Variants in SLC25A48 observed in about 807,000 individuals in gnomAD.
SLC25A48 encodes the protein solute carrier family 25 member 48.
A neutral mutation model predicts 32.2 loss-of-function variants in SLC25A48; 29 were observed. The ratio of observed to expected loss-of-function variants is 0.90; its 90% CI spans 0.67 to 1.23. The LOEUF (loss-of-function observed/expected upper bound fraction) is 1.23, where lower values mean the gene tolerates loss of function less well. Ranked by LOEUF, SLC25A48 falls within the 50% of genes most tolerant of loss-of-function variation. The pLI is 0.00. For synonymous variants in SLC25A48, 164 were observed against 172.3 expected (o/e 0.95, Z 0.38); for missense variants, 399 against 422.7 (o/e 0.94, Z 0.49).
In SLC25A48 at chr5:135,792,053, G is replaced by A. The variant is rs919027511; in HGVS notation, c.-520-20470G>A. ...GTGTTCACCTCCTATGTTAACATTC[G>A]TAATATTCTAAGGGGATATTACTCC... On this transcript the variant is annotated intron_variant, in intron 3 of 10. Transcript: ENST00000646290. Among the ~76,000 whole-genome samples the A allele has an allele frequency of 6.6e-5, 10 of 151,518 alleles. No homozygotes were observed. The East Asian group carries it at 1.7e-3, about 26-fold the overall frequency.
chr5:135,687,446 C>A (rs1452649700), intron 3 of SLC25A48, among the ~76,000 whole-genome samples: 1 of 152,188 alleles, frequency 6.6e-6, no homozygotes, highest in African/African-American at 2.4e-5. Context: ...ACTGAGATTT[C>A]TGTGTAACTG....
At chr5:135,763,790 C>CACACACACGA (rs1554072856) in intron 3 of SLC25A48, among the ~76,000 whole-genome samples, 6 of 151,312 alleles carry the variant, frequency 4.0e-5, no homozygotes, top group East Asian at 1.9e-4. Flanking sequence ...CACACACACA[C>CACACACACGA]GAGAGAGAGA....
At chr5:135,800,187 A>G (rs1315284165) in intron 3 of SLC25A48, among the ~76,000 whole-genome samples, 1 of 151,522 alleles carries the variant, frequency 6.6e-6, no homozygotes, top group Non-Finnish European at 1.5e-5. Context: ...GGGGGATAGA[A>G]CTCTATTACT....
chr5:135,754,336 GTTA>G (rs1755843785), intron 3 of SLC25A48, among the ~76,000 whole-genome samples: 2 of 151,966 alleles, frequency 1.3e-5, no homozygotes, highest in South Asian at 4.2e-4. Context: ...TACACACAGG[GTTA>G]TTATTGTGAT....
At chr5:135,627,081 T>A (rs1057224364) in intron 1 of SLC25A48, among the ~76,000 whole-genome samples, 1 of 152,216 alleles carries the variant, frequency 6.6e-6, no homozygotes, top group African/African-American at 2.4e-5. Context: ...AGGGAGGTGC[T>A]TATTGTGGGA....
chr5:135,848,245 A>C (rs1759570438), intron 2 of SLC25A48, among the ~76,000 whole-genome samples: 1 of 152,198 alleles, frequency 6.6e-6, no homozygotes, highest in African/African-American at 2.4e-5. Flanking sequence ...TTTTCTTAGC[A>C]GGAATTGATT....
At position 135,851,895 on chromosome 5, in the gene SLC25A48, G is replaced by A. The variant is rs184223860; in HGVS notation, c.163-668G>A. Among the ~76,000 whole-genome samples the A allele has an allele frequency of 1.2e-4, 19 of 152,252 alleles. No homozygotes were observed. The East Asian group carries it at 3.7e-3, about 30-fold the overall frequency. ...TCAGCCTCCTGCAGCCTGTGTGTGCGCATCCTGTGTCCTTATGTGGCCCCT... is the reference window on the plus strand; with the variant it reads ...TCAGCCTCCTGCAGCCTGTGTGTGCACATCCTGTGTCCTTATGTGGCCCCT... On this transcript the variant is annotated intron_variant, in intron 3 of 7. Coordinates refer to ENST00000681962, the MANE Select transcript of SLC25A48 (RefSeq NM_001349336.2).
chr5:135,794,619 G>A (rs1395209978), intron 3 of SLC25A48, among the ~76,000 whole-genome samples: 1 of 151,642 alleles, frequency 6.6e-6, no homozygotes, highest in East Asian at 1.9e-4. Context: ...TTTAGGTGGA[G>A]AGAGAATAAA....
intron 3 of SLC25A48, among the ~76,000 whole-genome samples, chr5:135,730,927 G>A (rs936001567): frequency 1.3e-5 from 2 of 152,186 alleles, no homozygotes; most frequent in Admixed American, 1.3e-4. Flanking sequence ...GAACAGAGCT[G>A]GGACATAAAC....
chr5:135,764,604 C>T (rs576275215), intron 3 of SLC25A48, among the ~76,000 whole-genome samples: 1 of 151,070 alleles, frequency 6.6e-6, no homozygotes, highest in East Asian at 2.0e-4. Flanking sequence ...GGAGTGTACA[C>T]TTCCCTGTGA....
intron 3 of SLC25A48, among the ~76,000 whole-genome samples, chr5:135,793,343 G>T (rs1043532930): frequency 6.6e-6 from 1 of 151,030 alleles, no homozygotes. Flanking sequence ...TGTCACAGAG[G>T]GTGTACATCA....
rs187648150 is a variant in SLC25A48, at chr5:135,775,718, A to G, written c.-520-36805A>G. Reference sequence around the variant, plus strand: ...ACAACCCTTTGTGATATTGTTCTTAATATCCAGGGGGGAAGGGATAATATT... The same window carrying G: ...ACAACCCTTTGTGATATTGTTCTTAGTATCCAGGGGGGAAGGGATAATATT... On this transcript the variant is annotated intron_variant, in intron 3 of 10. Coordinates refer to the SLC25A48 transcript ENST00000646290. Among the ~76,000 whole-genome samples the G allele has an allele frequency of 1.0e-3, 158 of 151,796 alleles. 1 individual carries two copies. Among genetic ancestry groups the G allele is most frequent in the Middle Eastern group, 3.4e-3 (1 of 294 alleles).
chr5:135,853,428 C>T (rs546790604), intron 4 of SLC25A48, among the ~76,000 whole-genome samples: 66 of 152,228 alleles, frequency 4.3e-4, no homozygotes, highest in African/African-American at 4.8e-4. Flanking sequence ...CAAACCCTGA[C>T]GCTGCTTTAT....
At chr5:135,818,352 C>T (rs1400993369) in intron 4 of SLC25A48, among the ~76,000 whole-genome samples, 2 of 152,130 alleles carry the variant, frequency 1.3e-5, no homozygotes, top group East Asian at 3.9e-4. Flanking sequence ...CAAGTCTCAG[C>T]CTAACTCCTG....
chr5:135,744,711 C>T (rs894937855), intron 3 of SLC25A48, among the ~76,000 whole-genome samples: 2 of 152,106 alleles, frequency 1.3e-5, no homozygotes, highest in African/African-American at 2.4e-5. Flanking sequence ...CACATGGACC[C>T]AAGAATCAAA....
At chr5:135,775,915 A>C (rs1756545600) in intron 3 of SLC25A48, among the ~76,000 whole-genome samples, 1 of 151,604 alleles carries the variant, frequency 6.6e-6, no homozygotes, top group South Asian at 2.1e-4. Flanking sequence ...AATATCCCCA[A>C]AAGTGTACAC....
intron 3 of SLC25A48, among the ~76,000 whole-genome samples, chr5:135,680,265 C>T (rs975057000): frequency 1.3e-5 from 2 of 152,218 alleles, no homozygotes; most frequent in African/African-American, 4.8e-5. Flanking sequence ...TGTTACCTTA[C>T]ACTACATCTT....
At chr5:135,752,823 A>G (rs1328010627) in intron 3 of SLC25A48, among the ~76,000 whole-genome samples, 2 of 152,080 alleles carry the variant, frequency 1.3e-5, no homozygotes, top group Non-Finnish European at 2.9e-5. Context: ...TGATATGAGT[A>G]ATCTTCTATG....
chr5:135,763,754 A>AACACACACAC (rs747888245), intron 3 of SLC25A48, among the ~76,000 whole-genome samples: 12,267 of 145,780 alleles, frequency 0.084, 596 homozygotes, highest in Middle Eastern at 0.1. Flanking sequence ...GAGAAATAGG[A>AACACACACAC]ACACACACAT....
Sources: gnomAD v4.1 joint callset for allele counts (sites outside exome capture counted in the v4.1 genomes callset) on GRCh38, gnomAD v4.1.1 for gene constraint, MANE v1.5 for transcripts, NCBI Gene and HGNC (gene_info 2026-07-23, HGNC 2026-07-21) for gene names.